Variants in RND2 observed in about 807,000 individuals in gnomAD.
RND2 encodes the protein rho-related GTP-binding protein RhoN.
A neutral mutation model predicts 25.9 loss-of-function variants in RND2; 16 were observed. The observed-to-expected ratio is 0.62, with a 90% CI of 0.42 to 0.94. The LOEUF (loss-of-function observed/expected upper bound fraction) is 0.94, where lower values mean the gene tolerates loss of function less well. Among genes scored for constraint, RND2 ranks in the 40% least tolerant of loss-of-function variants. The pLI, the probability that RND2 is intolerant of heterozygous loss-of-function variation, is 0.00. For missense variants in RND2, 276 were observed against 305.5 expected, an observed-to-expected ratio of 0.90 and a Z score of 0.72; for synonymous variants, 97 against 118.1, an observed-to-expected ratio of 0.82 and a Z score of 1.16.
rs1255571521 is a variant in RND2 at position 43,029,958 on chromosome 17, A to AGCTACCC, written c.*1279_*1285dup. The AGCTACCC allele has an allele frequency of 6.6e-6, 1 of 151,792 alleles. No homozygotes were observed. The allele number at this position is 151,792 out of a possible 1,614,324, so 9.4% of individuals were successfully genotyped here. On this transcript the variant is annotated 3_prime_UTR_variant, in exon 5 of 5. Transcript: ENST00000587250. ...GCATCAAAAGCCTCCACATCACAGA[A>AGCTACCC]GCTACCCCTGTACAGCGTGAAGTTT...
At chr17:43,025,478 C>A (rs753749829) in intron 1 of RND2, 29 bp downstream of exon 1, 1 of 1,490,628 alleles carries the variant, frequency 6.7e-7, no homozygotes, top group Non-Finnish European at 8.9e-7. Flanking sequence ...GGGAGGGGGA[C>A]GCTAAGGCTG....
rs186936680 is a variant in RND2 at position 43,027,177 on chromosome 17, C to T, written c.191-6C>T. ...CTCAGGCCCCTCATGCCCTGTCTTC[C>T]TTCAGGTTCCTCTTACTATGATAAT... On this transcript the variant is annotated splice_region_variant and splice_polypyrimidine_tract_variant and intron_variant, in intron 2 of 4. Transcript: ENST00000587250. The T allele has an allele frequency of 1.7e-3, 2,653 of 1,589,392 alleles. 7 individuals are homozygous for T. Among genetic ancestry groups the T allele is most frequent in the Non-Finnish European group, 1.5e-3 (1,765 of 1,165,452 alleles).
At position 43,028,362 on chromosome 17, in the gene RND2, C is replaced by T. The variant is rs987934051; in HGVS notation, c.436-70C>T. The T allele has an allele frequency of 3.8e-6, 6 of 1,590,930 alleles. No homozygotes were observed. The Admixed American group carries it at 8.5e-5, about 22-fold the overall frequency. Reference sequence around the variant, plus strand: ...CTTGACATTCAACCCCAGCCCACAGCCTCCATGCCCCTTTCTAAGCTGCAG... The same window carrying T: ...CTTGACATTCAACCCCAGCCCACAGTCTCCATGCCCCTTTCTAAGCTGCAG... On this transcript the variant is annotated intron_variant, in intron 4 of 4. Transcript: ENST00000587250.
chr17:43,029,621 C>A lies in RND2; in HGVS notation c.*941C>A. 1 of 152,746 alleles carries A rather than the reference C, an allele frequency of 6.5e-6. No homozygotes were observed. The highest frequency in any genetic ancestry group is 1.5e-5 in the Non-Finnish European group (1 of 68,450). The allele number at this position is 152,746 out of a possible 1,614,324, so 9.5% of individuals were successfully genotyped here. On this transcript the variant is annotated 3_prime_UTR_variant, in exon 5 of 5. Transcript: ENST00000587250. ...GGGGATAAGGAGGCATCAGGCCGGG[C>A]GCGCTGGCTCACGCCTGTAATCCCA...
rs2151974056 is a variant in RND2, at chr17:43,026,033, T to C, written c.176T>C (p.Met59Thr). The C allele has an allele frequency of 6.2e-7, 1 of 1,609,802 alleles. No individual in the cohort carries two copies. Among genetic ancestry groups the C allele is most frequent in the Non-Finnish European group, 8.5e-7 (1 of 1,176,520 alleles). ...EIDKRRIELN[M>T]WDTSGSSYYD... ...GACAAGCGCCGCATTGAGCTCAACA[T>C]GTGGGACACTTCAGGTAGCCAAGTC... is the stretch of plus-strand genomic sequence containing the variant. The change falls in exon 2 of 5, where the codon ATG becomes ACG. Residue 59 changes from methionine to threonine, a missense_variant. Physicochemically the swap from Met to Thr is moderately conservative, Grantham distance 81 (BLOSUM62 -1). Transcript: ENST00000587250.
At chr17:43,026,802 A>G (rs1168629613) in intron 2 of RND2, among the ~76,000 whole-genome samples, 1 of 152,144 alleles carries the variant, frequency 6.6e-6, no homozygotes, top group Non-Finnish European at 1.5e-5. Context: ...TCCTCCCAAC[A>G]TAAGGAGGGT....
chr17:43,028,332 C>T (rs567886738), intron 4 of RND2, 100 bp from the exon 5 acceptor site: 1 of 1,581,752 alleles, frequency 6.3e-7, no homozygotes, highest in African/African-American at 1.3e-5. Context: ...TTGACTGCCC[C>T]CAGCCTTGAC....
intron 1 of RND2, 27 bp downstream of exon 1, chr17:43,025,476 GACGCTAAGGCTGCT>G: frequency 6.6e-7 from 1 of 1,511,338 alleles, no homozygotes; most frequent in Non-Finnish European, 8.9e-7. Flanking sequence ...TTGGGAGGGG[GACGCTAAGGCTGCT>G]GGGGGGTGGG....
intron 1 of RND2, 43 bp downstream of exon 1, chr17:43,025,492 G>C: frequency 6.5e-7 from 1 of 1,535,002 alleles, no homozygotes; most frequent in Non-Finnish European, 8.8e-7. Flanking sequence ...AAGGCTGCTG[G>C]GGGGTGGGTG....
In RND2 at chr17:43,028,820, G is replaced by A; in HGVS notation, c.*140G>A. 8.0e-7 allele frequency: 1 copy of A among 1,254,724 alleles called. No homozygotes were observed. Among genetic ancestry groups the A allele is most frequent in the South Asian group, 1.5e-5 (1 of 66,672 alleles). 77.7% of individuals were successfully genotyped at this position (1,254,724 alleles called of 1,614,324 possible). A position where few individuals can be genotyped will look rare whatever the true frequency, so the allele number is the denominator to read the frequency against. On this transcript the variant is annotated 3_prime_UTR_variant, in exon 5 of 5. Coordinates refer to ENST00000587250, the MANE Select transcript of RND2 (RefSeq NM_005440.5). ...GCGAGCAATTCTGGGCAGGGGAGCT[G>A]GAGGGCAGAAGGGTATCATCGTTTC...
chr17:43,026,056 G>C lies in RND2; in HGVS notation c.190+9G>C. 6.3e-7 allele frequency: 1 copy of C among 1,595,962 alleles called. No homozygotes were observed. The highest frequency in any genetic ancestry group is 8.6e-7 in the Non-Finnish European group (1 of 1,165,042). On this transcript the variant is annotated intron_variant, in intron 2 of 4. Transcript: ENST00000587250. Reference sequence around the variant, plus strand: ...CATGTGGGACACTTCAGGTAGCCAAGTCCCTGGGGGTCACCCTGACTTCCA... The same window carrying C: ...CATGTGGGACACTTCAGGTAGCCAACTCCCTGGGGGTCACCCTGACTTCCA...
chr17:43,028,366 C>T, intron 4 of RND2, 66 bp from the exon 5 acceptor site: 2 of 1,595,396 alleles, frequency 1.3e-6, no homozygotes, highest in Non-Finnish European at 1.7e-6. Flanking sequence ...CCACAGCCTC[C>T]ATGCCCCTTT....
At chr17:43,026,388 G>A (rs542612792) in intron 2 of RND2, 9 of 242,812 alleles carry the variant, frequency 3.7e-5, no homozygotes, top group Admixed American at 2.4e-4. Context: ...GGTGGCTCAC[G>A]CCTGTAATCC....
rs546607953 is a variant in RND2 at position 43,028,253 on chromosome 17, A to G, written c.435+58A>G. ...CTAGACCTGTCACCTCTGCCCCTTCAGTCTCTGATTTGAAAACACCTTACC... is the reference window on the plus strand; with the variant it reads ...CTAGACCTGTCACCTCTGCCCCTTCGGTCTCTGATTTGAAAACACCTTACC... On this transcript the variant is annotated intron_variant, in intron 4 of 4. Transcript: ENST00000587250. 14 of 1,607,860 alleles carry G rather than the reference A, an allele frequency of 8.7e-6. No homozygotes were observed. The African/African-American group carries it at 1.6e-4, about 18-fold the overall frequency.
intron 2 of RND2, among the ~76,000 whole-genome samples, chr17:43,026,420 T>TG (rs1420896313): frequency 4.0e-5 from 6 of 151,654 alleles, no homozygotes; most frequent in Non-Finnish European, 8.8e-5. Flanking sequence ...GAGGCTGGGG[T>TG]GGGGGGATCA....
Position 43,030,467 on chromosome 17 carries a change from A to C in RND2, c.*1787A>C, listed in dbSNP as rs560333118. Reference sequence around the variant, plus strand: ...ACTGGCTTGGGAGATTGCAAGGACCAGTCTCTAAGCTTTTGGAGGCCAGCC... The same window carrying C: ...ACTGGCTTGGGAGATTGCAAGGACCCGTCTCTAAGCTTTTGGAGGCCAGCC... On this transcript the variant is annotated 3_prime_UTR_variant, in exon 5 of 5. Transcript: ENST00000587250. 1 of 152,836 alleles carries C rather than the reference A, an allele frequency of 6.5e-6. No homozygotes were observed. The highest frequency in any genetic ancestry group is 2.4e-5 in the African/African-American group (1 of 41,590). The allele number at this position is 152,836 out of a possible 1,614,324, so 9.5% of individuals were successfully genotyped here.
At position 43,031,039 on chromosome 17, in the gene RND2, T is replaced by G. The variant is rs2151975612; in HGVS notation, c.*2359T>G. The G allele has an allele frequency of 6.6e-6, 1 of 152,286 alleles. No homozygotes were observed. The highest frequency in any genetic ancestry group is 2.1e-4 in the South Asian group (1 of 4,820). The allele number at this position is 152,286 out of a possible 1,614,324, so 9.4% of individuals were successfully genotyped here. A position where few individuals can be genotyped will look rare whatever the true frequency, so the allele number is the denominator to read the frequency against. On this transcript the variant is annotated 3_prime_UTR_variant, in exon 5 of 5. Coordinates refer to ENST00000587250, the MANE Select transcript of RND2 (RefSeq NM_005440.5). ...GGGAGGCCAAGCTGGGAGGATCGCT[T>G]GAGGCCAGGAGTTAGAGACTGCAGT...
rs2050620928 is a variant in RND2 at position 43,026,062 on chromosome 17, G to C, written c.190+15G>C. The C allele has an allele frequency of 6.3e-7, 1 of 1,593,888 alleles. No homozygotes were observed. The highest frequency in any genetic ancestry group is 8.6e-7 in the Non-Finnish European group (1 of 1,163,392). ...GGACACTTCAGGTAGCCAAGTCCCT[G>C]GGGGTCACCCTGACTTCCAAGGCGG... On this transcript the variant is annotated intron_variant, in intron 2 of 4. Coordinates refer to ENST00000587250, the MANE Select transcript of RND2 (RefSeq NM_005440.5).
rs552149919 is a variant in RND2, at chr17:43,028,130, C to T, written c.370C>T (p.Arg124Trp). 7.4e-6 allele frequency: 12 copies of T among 1,614,164 alleles called. No homozygotes were observed. The South Asian group carries it at 7.7e-5, about 10-fold the overall frequency. Residue 124 changes from arginine to tryptophan, a missense_variant, in exon 4 of 5, where the codon CGG becomes TGG. By Grantham distance (101) the Arg-to-Trp change is moderately radical (BLOSUM62 -3). Transcript: ENST00000587250. The part of the protein sequence containing the change: ...VVLVGCKLDM[R>W]TDLATLRELS... ...GCTGGTTGGCTGTAAACTGGACATG[C>T]GGACTGACCTGGCCACACTGAGGGA... is the stretch of plus-strand genomic sequence containing the variant.
Sources: gnomAD v4.1 joint callset for allele counts (sites outside exome capture counted in the v4.1 genomes callset) on GRCh38, gnomAD v4.1.1 for gene constraint, MANE v1.5 for transcripts, NCBI Gene and HGNC (gene_info 2026-07-23, HGNC 2026-07-21) for gene names.